The following TBC1D8 variants were observed in gnomAD, a reference collection of about 807,000 sequenced individuals.
TBC1D8 encodes the protein TBC1 domain family member 8, also known as BUB2-like protein 1.
TBC1D8 carries 65 observed loss-of-function variants against 118.8 expected under a neutral mutation model. The ratio of observed to expected loss-of-function variants is 0.55; its 90% confidence interval spans 0.45 to 0.67. The LOEUF is 0.67. Among genes scored for constraint, TBC1D8 ranks in the 30% least tolerant of loss-of-function variants. The probability of loss-of-function intolerance (pLI) is 0.00; values close to 1 mark genes in which losing one functional copy is unlikely to be tolerated. For synonymous variants in TBC1D8, 566 were observed against 595.8 expected, an observed-to-expected ratio of 0.95 and a Z score of 0.73; for missense variants, 1,376 against 1,471.2, an observed-to-expected ratio of 0.94 and a Z score of 1.06.
At chr2:101,058,501 C>A (rs2105422651) in intron 3 of TBC1D8, among the ~76,000 whole-genome samples, 1 of 152,206 alleles carries the variant, frequency 6.6e-6, no homozygotes, top group South Asian at 2.1e-4. Context: ...GAATGAGAAA[C>A]CATCTCTCCC....
chr2:101,041,052 G>A (rs1457539060), intron 5 of TBC1D8, among the ~76,000 whole-genome samples: 1 of 152,248 alleles, frequency 6.6e-6, no homozygotes, highest in African/African-American at 2.4e-5. Flanking sequence ...CAAGTGGTGA[G>A]GAGGATGTGG....
chr2:101,132,113 C>T (rs1419059288), intron 1 of TBC1D8, among the ~76,000 whole-genome samples: 1 of 152,196 alleles, frequency 6.6e-6, no homozygotes, highest in Non-Finnish European at 1.5e-5. Flanking sequence ...AGACAGAGAA[C>T]ACTCATCCCC....
intron 17 of TBC1D8, among the ~76,000 whole-genome samples, chr2:101,015,894 C>T (rs1679597012): frequency 6.6e-6 from 1 of 151,920 alleles, no homozygotes. Context: ...AACTGGATCC[C>T]TTCCTTACAC....
chr2:101,147,924 C>G (rs1201124357), intron 1 of TBC1D8, among the ~76,000 whole-genome samples: 1 of 152,074 alleles, frequency 6.6e-6, no homozygotes, highest in Non-Finnish European at 1.5e-5. Context: ...TATTTCCTTT[C>G]CAGAGTAGCA....
chr2:101,138,352 G>A (rs1467528030), intron 1 of TBC1D8, among the ~76,000 whole-genome samples: 1 of 152,198 alleles, frequency 6.6e-6, no homozygotes, highest in Non-Finnish European at 1.5e-5. Flanking sequence ...CTAAATGTAT[G>A]GGGAGTTTTC....
intron 1 of TBC1D8, among the ~76,000 whole-genome samples, chr2:101,092,898 G>C (rs769972605): frequency 3.3e-5 from 5 of 152,092 alleles, no homozygotes; most frequent in Non-Finnish European, 5.9e-5. Flanking sequence ...GTCTGTACAT[G>C]TGTATGTGTG....
chr2:101,028,603 G>T, intron 12 of TBC1D8, 171 bp from the exon 13 acceptor site: 3 of 979,418 alleles, frequency 3.1e-6, no homozygotes, highest in East Asian at 2.6e-5. Flanking sequence ...CAGTCATGAA[G>T]CCCGGCTTGT....
At chr2:101,052,004 C>T (rs1220025370) in intron 4 of TBC1D8, among the ~76,000 whole-genome samples, 1 of 152,234 alleles carries the variant, frequency 6.6e-6, no homozygotes, top group African/African-American at 2.4e-5. Flanking sequence ...TGCAAAGGAA[C>T]ACTATTCTGA....
intron 2 of TBC1D8, among the ~76,000 whole-genome samples, chr2:101,062,055 G>A (rs1471385253): frequency 6.6e-6 from 1 of 152,148 alleles, no homozygotes; most frequent in Non-Finnish European, 1.5e-5. Flanking sequence ...AAGTCTCCCT[G>A]CCCTGTTCAG....
chr2:101,028,280 C>T (rs1467091970), intron 13 of TBC1D8, 23 bp downstream of exon 13: 2 of 1,578,386 alleles, frequency 1.3e-6, no homozygotes, highest in Middle Eastern at 2.0e-4. Context: ...TGCAACGGGG[C>T]ATGGGGCGGG....
At chr2:101,082,975 G>T (rs1675364692) in intron 2 of TBC1D8, among the ~76,000 whole-genome samples, 1 of 152,138 alleles carries the variant, frequency 6.6e-6, no homozygotes, top group African/African-American at 2.4e-5. Flanking sequence ...GTTTTTTAAA[G>T]AAATTAAGAA....
intron 4 of TBC1D8, among the ~76,000 whole-genome samples, chr2:101,053,748 C>T (rs1206310926): frequency 6.6e-6 from 1 of 152,178 alleles, no homozygotes; most frequent in Non-Finnish European, 1.5e-5. Context: ...ACCTTCAGCG[C>T]CAGGAATTTT....
At chr2:101,038,412 C>T (rs369951705) in intron 7 of TBC1D8, 49 bp downstream of exon 7, 24 of 1,587,632 alleles carry the variant, frequency 1.5e-5, no homozygotes, top group South Asian at 4.5e-5. Flanking sequence ...TTGGAGACCA[C>T]GGCCTGAGAC....
chr2:101,040,047 G>A (rs879661803), intron 6 of TBC1D8, 131 bp downstream of exon 6: 3 of 1,004,826 alleles, frequency 3.0e-6, no homozygotes, highest in Admixed American at 4.6e-5. Flanking sequence ...CCCAGCCTTG[G>A]AGTCATCCAT....
chr2:101,032,269 G>C lies in TBC1D8; in HGVS notation c.1935C>G (p.Ile645Met). The C allele has an allele frequency of 2.5e-6, 4 of 1,613,516 alleles. No individual in the cohort carries two copies. Among genetic ancestry groups the C allele is most frequent in the Non-Finnish European group, 2.5e-6 (3 of 1,179,608 alleles). The change falls in exon 11 of 20, where the codon ATC becomes ATG. Residue 645 changes from isoleucine to methionine, a missense_variant and splice_region_variant. Physicochemically the swap from Ile to Met is conservative, Grantham distance 10. Coordinates refer to ENST00000409318, the MANE Select transcript of TBC1D8 (RefSeq NM_001330348.2). ...MLPDYFNHRV[I>M]GAQVDQSVFE... ...GGAGGAGGAAGGGGGTCTGTTTACC[G>C]ATCACTCGGTGGTTGAAGTAATCGG...
At position 101,030,016 on chromosome 2, in the gene TBC1D8, A is replaced by C; in HGVS notation, c.1937-240T>G. On this transcript the variant is annotated intron_variant, in intron 11 of 19. Coordinates refer to ENST00000409318, the MANE Select transcript of TBC1D8 (RefSeq NM_001330348.2). ...GAAAGTGGCATGGGGGAAATAAAAA[A>C]GGAACACTAGCCCCTACCTCACACC... 4 of 450,772 alleles carry C rather than the reference A, an allele frequency of 8.9e-6. No individual in the cohort carries two copies. The South Asian group carries it at 1.5e-4, about 17-fold the overall frequency. The allele number at this position is 450,772 out of a possible 1,614,324, so 27.9% of individuals were successfully genotyped here.
In TBC1D8 at chr2:101,021,708, G is replaced by A; in HGVS notation, c.2800C>T (p.Leu934=). The A allele has an allele frequency of 6.2e-7, 1 of 1,600,572 alleles. No individual in the cohort carries two copies. Among genetic ancestry groups the A allele is most frequent in the Non-Finnish European group, 8.5e-7 (1 of 1,171,392 alleles). ...GGAGGGATATGAAGCCTGTATAATA[G>A]TTTAATCTTCTCATTCATTTCTCCA... ...YNGEMNEKIK[L]LYRLHIPPAL... Residue 934 remains leucine, a synonymous_variant, in exon 17 of 20, where the codon CTA becomes TTA. Coordinates refer to ENST00000409318, the MANE Select transcript of TBC1D8 (RefSeq NM_001330348.2).
At chr2:101,052,963 A>C (rs1172017007) in intron 4 of TBC1D8, among the ~76,000 whole-genome samples, 1 of 152,204 alleles carries the variant, frequency 6.6e-6, no homozygotes, top group East Asian at 1.9e-4. Context: ...TACACCACCA[A>C]CTTTCATTCA....
At chr2:101,035,057 TG>T (rs1437476015) in intron 9 of TBC1D8, among the ~76,000 whole-genome samples, 1 of 151,644 alleles carries the variant, frequency 6.6e-6, no homozygotes, top group Non-Finnish European at 1.5e-5. Flanking sequence ...GGGACAAAGT[TG>T]GGGGATAGAC....
Sources: gnomAD v4.1 joint callset for allele counts (sites outside exome capture counted in the v4.1 genomes callset) on GRCh38, gnomAD v4.1.1 for gene constraint, MANE v1.5 for transcripts, NCBI Gene and HGNC (gene_info 2026-07-23, HGNC 2026-07-21) for gene names.